Variants in PRH1 observed in about 807,000 individuals in gnomAD.
The protein encoded by PRH1 is proline rich protein HaeIII subfamily 1, also known as salivary acidic proline-rich phosphoprotein 1/2.
Under a neutral mutation model 7.9 loss-of-function variants are expected in PRH1, and 7 were observed. The ratio of observed to expected loss-of-function variants is 0.89; its 90% confidence interval spans 0.50 to 1.67. The LOEUF is 1.67. Among genes scored for constraint, PRH1 ranks in the 40% most tolerant of loss-of-function variants. The probability of loss-of-function intolerance (pLI) is 0.00; values close to 1 mark genes in which losing one functional copy is unlikely to be tolerated. For missense variants in PRH1, 109 were observed against 223.6 expected (o/e 0.49, Z 3.27); for synonymous variants, 45 against 80.8 (o/e 0.56, Z 2.38).
At chr12:10,965,029 G>A (rs1305733776) in intron 2 of PRH1, 11 of 909,346 alleles carry the variant, frequency 1.2e-5, no homozygotes, top group Middle Eastern at 2.4e-4. Flanking sequence ...TGGCAATCTT[G>A]AGGAAATAAA....
intron 2 of PRH1, among the ~76,000 whole-genome samples, chr12:10,947,268 T>C (rs187839058): frequency 6.6e-6 from 1 of 152,216 alleles, no homozygotes; most frequent in East Asian, 1.9e-4. Context: ...TATGTCTATT[T>C]GTAGGTCTCT....
At chr12:10,894,802 C>T (rs1291795152) in intron 2 of PRH1, 1 of 152,078 alleles carries the variant, frequency 6.6e-6, no homozygotes, top group African/African-American at 2.4e-5. Flanking sequence ...TAATTTAAAT[C>T]AGCAAGTATT....
chr12:10,909,914 T>C (rs1228745408), intron 2 of PRH1, among the ~76,000 whole-genome samples: 3 of 152,208 alleles, frequency 2.0e-5, no homozygotes, highest in African/African-American at 7.2e-5. Flanking sequence ...TCTTTCTCAT[T>C]CCCTGCCTCA....
At chr12:10,892,757 G>T (rs776740914) in intron 2 of PRH1, among the ~76,000 whole-genome samples, 15 of 152,158 alleles carry the variant, frequency 9.9e-5, no homozygotes, top group Non-Finnish European at 2.1e-4. Context: ...ACAGCTTTGA[G>T]AATTTCTATA....
At chr12:11,018,135 T>C (rs1941390145) in intron 1 of PRH1, among the ~76,000 whole-genome samples, 1 of 151,876 alleles carries the variant, frequency 6.6e-6, no homozygotes, top group South Asian at 2.1e-4. Flanking sequence ...GCATGCAACG[T>C]GGGCATCATA....
chr12:10,916,801 A>T (rs1446437757), intron 2 of PRH1, among the ~76,000 whole-genome samples: 1 of 152,128 alleles, frequency 6.6e-6, no homozygotes, highest in East Asian at 1.9e-4. Context: ...TAATCCCAGC[A>T]TTTTGGGAGG....
At chr12:11,149,030 A>G (rs1248904536) in intron 1 of PRH1, among the ~76,000 whole-genome samples, 2 of 150,268 alleles carry the variant, frequency 1.3e-5, no homozygotes, top group African/African-American at 2.4e-5. Context: ...TGTATGTGTC[A>G]AGGAATTTAT....
Position 10,884,196 on chromosome 12 carries a change from C to G in PRH1, c.22G>C (p.Val8Leu). Residue 8 changes from valine to leucine, a missense_variant, in exon 1 of 4, where the codon GTG (valine) becomes CTG (leucine). Val to Leu is a conservative substitution (Grantham distance 32, BLOSUM62 1). Around this residue, in one of 3 missense-constraint regions of PRH1, gnomAD observed 60 missense variants for 76.5 expected, o/e 0.78. Transcript: ENST00000543626. Reference protein sequence around the residue: MLLILLSVALLAFSSAQD... With the variant: MLLILLSLALLAFSSAQD... ...GCTGAGCTGAAGGCCAGCAGGGCCA[C>G]TGACAGCAGAATCAGAAGCATCTTG... The G allele has an allele frequency of 6.2e-7, 1 of 1,614,232 alleles. No homozygotes were observed. The highest frequency in any genetic ancestry group is 8.5e-7 in the Non-Finnish European group (1 of 1,180,032).
At chr12:10,936,035 T>G (rs61912262) in intron 2 of PRH1, among the ~76,000 whole-genome samples, 3,384 of 152,086 alleles carry the variant, frequency 0.022, 62 homozygotes, top group Middle Eastern at 0.048. Context: ...GCTCTGAAAC[T>G]GAATTTTCAT....
In PRH1 at chr12:11,154,811, A is replaced by G. The variant is rs549439451; in HGVS notation, n.39+16611T>C. 6.6e-5 allele frequency among the ~76,000 whole-genome samples: 10 copies of G among 152,340 alleles called. No individual in the cohort carries two copies. The East Asian group carries it at 1.9e-3, about 29-fold the overall frequency. ...TGGAAAGAAATTTTCTTAATCAGAT[A>G]AGGAAATTCCAGAGAGAATTCCCTC... On this transcript the variant is annotated intron_variant and non_coding_transcript_variant, in intron 1 of 1. Transcript: ENST00000541175.
At chr12:11,126,311 T>A (rs1946126748) in intron 1 of PRH1, among the ~76,000 whole-genome samples, 2 of 152,234 alleles carry the variant, frequency 1.3e-5, no homozygotes, top group Non-Finnish European at 2.9e-5. Flanking sequence ...TAAATTGCAA[T>A]TCATTAAAAA....
chr12:11,072,914 T>A (rs1944138386), intron 1 of PRH1, among the ~76,000 whole-genome samples: 1 of 151,852 alleles, frequency 6.6e-6, no homozygotes. Context: ...ATTTACATTT[T>A]GCAAAACATC....
upstream of PRH1, among the ~76,000 whole-genome samples, chr12:10,887,232 A>G (rs1230129521): frequency 6.6e-6 from 1 of 152,176 alleles, no homozygotes; most frequent in East Asian, 1.9e-4. Flanking sequence ...AAAGATGAAC[A>G]TTGACAGAGG....
intron 1 of PRH1, among the ~76,000 whole-genome samples, chr12:11,070,287 C>T (rs1944005871): frequency 6.6e-6 from 1 of 152,084 alleles, no homozygotes; most frequent in Non-Finnish European, 1.5e-5. Flanking sequence ...GTGGGCATTC[C>T]ACCAAAAAAG....
intron 2 of PRH1, among the ~76,000 whole-genome samples, chr12:10,969,154 C>T (rs1161757289): frequency 2.0e-5 from 3 of 152,288 alleles, no homozygotes; most frequent in Admixed American, 2.0e-4. Flanking sequence ...GTAATCTTCC[C>T]CTGAAGTCCG....
Position 10,930,627 on chromosome 12 carries a change from C to A in PRH1, c.-59+43028G>T, listed in dbSNP as rs553021888. On this transcript the variant is annotated intron_variant, in intron 2 of 3. Transcript: ENST00000539853. ...ATATGAAGACAGGAGGGTTTTCCAG[C>A]ATGAGCTCAGCTCTTCTTGTTTCAA... 15 of 1,611,334 alleles carry A rather than the reference C, an allele frequency of 9.3e-6. No individual in the cohort carries two copies. In the East Asian group the frequency reaches 3.1e-4, roughly 34 times the overall value.
chr12:11,035,382 T>C (rs919292827), intron 1 of PRH1, among the ~76,000 whole-genome samples: 1 of 152,196 alleles, frequency 6.6e-6, no homozygotes, highest in Non-Finnish European at 1.5e-5. Flanking sequence ...GGTAGTTATC[T>C]TCAAATTCAC....
At chr12:10,962,651 T>C (rs1013849328) in intron 2 of PRH1, among the ~76,000 whole-genome samples, 1 of 152,252 alleles carries the variant, frequency 6.6e-6, no homozygotes, top group Non-Finnish European at 1.5e-5. Flanking sequence ...AGACATGTAA[T>C]TTATTACTCT....
At chr12:11,001,428 C>T (rs538476564) in intron 1 of PRH1, among the ~76,000 whole-genome samples, 1 of 152,118 alleles carries the variant, frequency 6.6e-6, no homozygotes, top group Admixed American at 6.6e-5. Context: ...TTATTTAGTC[C>T]TAAAATTCTC....
Sources: gnomAD v4.1 joint callset for allele counts (sites outside exome capture counted in the v4.1 genomes callset) on GRCh38, gnomAD v4.1.1 for gene constraint, gnomAD v4.1.1 regional missense constraint, MANE v1.5 for transcripts, NCBI Gene and HGNC (gene_info 2026-07-23, HGNC 2026-07-21) for gene names.